TBC1D15: variants seen among roughly 807,000 people sequenced by gnomAD.
TBC1D15 encodes the protein TBC1 domain family member 15.
In TBC1D15, 39 loss-of-function variants were observed where a neutral mutation model predicts 95.4. The ratio of observed to expected loss-of-function variants is 0.41; its 90% CI spans 0.32 to 0.53. The LOEUF (loss-of-function observed/expected upper bound fraction) is 0.53, where lower values mean the gene tolerates loss of function less well. TBC1D15 is among the 20% of genes least tolerant of loss of function. The probability of loss-of-function intolerance (pLI) is 0.29; values close to 1 mark genes in which losing one functional copy is unlikely to be tolerated. For missense variants in TBC1D15, 733 were observed against 794.3 expected, an observed-to-expected ratio of 0.92 and a Z score of 0.93; for synonymous variants, 258 against 261.3, an observed-to-expected ratio of 0.99 and a Z score of 0.12.
At chr12:71,880,424 A>G in intron 3 of TBC1D15, 45 bp from the exon 4 acceptor site, 6 of 1,485,170 alleles carry the variant, frequency 4.0e-6, no homozygotes, top group Non-Finnish European at 5.4e-6. Flanking sequence ...TTGAAATTAA[A>G]TTTGTTTTAG....
At chr12:71,906,016 A>G (rs752084856) in intron 10 of TBC1D15, among the ~76,000 whole-genome samples, 4 of 151,884 alleles carry the variant, frequency 2.6e-5, no homozygotes, top group Non-Finnish European at 5.9e-5. Flanking sequence ...GAGATTACAG[A>G]TGCACACCAG....
Position 71,884,676 on chromosome 12 carries a change from G to A in TBC1D15, c.344-135G>A, listed in dbSNP as rs998966412. ...ATAAGTAGCCATATCTAATACAGGT[G>A]GAAGCCATAATAATATAAGTGCTAT... On this transcript the variant is annotated intron_variant, in intron 4 of 16. Coordinates refer to ENST00000485960, the MANE Select transcript of TBC1D15 (RefSeq NM_001146213.3). 4.5e-6 allele frequency: 3 copies of A among 665,128 alleles called. No individual in the cohort carries two copies. The African/African-American group carries it at 5.5e-5, about 12-fold the overall frequency. 41.2% of individuals were successfully genotyped at this position (665,128 alleles called of 1,614,324 possible).
intron 10 of TBC1D15, among the ~76,000 whole-genome samples, chr12:71,899,259 A>T (rs536233608): frequency 2.0e-5 from 3 of 152,312 alleles, no homozygotes; most frequent in South Asian, 4.1e-4. Context: ...TTAGATATTT[A>T]AAGTCCCCAT....
chr12:71,858,066 A>G (rs1592707281), intron 1 of TBC1D15, among the ~76,000 whole-genome samples: 1 of 150,012 alleles, frequency 6.7e-6, no homozygotes, highest in Admixed American at 6.6e-5. Context: ...TATATGCAAC[A>G]TTTTCTTTCT....
chr12:71,892,320 T>G (rs1281953450), intron 5 of TBC1D15, among the ~76,000 whole-genome samples: 2 of 152,102 alleles, frequency 1.3e-5, no homozygotes, highest in African/African-American at 4.8e-5. Flanking sequence ...CATCCTGTTA[T>G]GTTAGAATTG....
intron 13 of TBC1D15, among the ~76,000 whole-genome samples, 177 bp downstream of exon 13, chr12:71,917,974 A>G (rs1353769220): frequency 6.6e-6 from 1 of 152,132 alleles, no homozygotes; most frequent in African/African-American, 2.4e-5. Flanking sequence ...CCTGGCTAGC[A>G]CAGTGAGACC....
At chr12:71,858,683 T>G (rs928507840) in intron 1 of TBC1D15, among the ~76,000 whole-genome samples, 15 of 151,388 alleles carry the variant, frequency 9.9e-5, no homozygotes, top group African/African-American at 3.6e-4. Context: ...GCCTCCTGAA[T>G]AGCTGGGACT....
At chr12:71,856,025 T>C (rs1888986805) in intron 1 of TBC1D15, among the ~76,000 whole-genome samples, 1 of 152,128 alleles carries the variant, frequency 6.6e-6, no homozygotes, top group South Asian at 2.1e-4. Context: ...GATTGGACCA[T>C]ACAGAAATTA....
Position 71,923,392 on chromosome 12 carries a change from A to G in TBC1D15, c.*188A>G. 3.7e-6 allele frequency: 2 copies of G among 536,530 alleles called. No individual in the cohort carries two copies. The highest frequency in any genetic ancestry group is 3.8e-5 in the African/African-American group (2 of 52,940). 33.2% of individuals were successfully genotyped at this position (536,530 alleles called of 1,614,324 possible). ...TTATTTTTGTAGTTACTTCTACCAA[A>G]TAGCCTTTCCTTTTCGATAACATTC... On this transcript the variant is annotated 3_prime_UTR_variant, in exon 17 of 17. Transcript: ENST00000485960.
chr12:71,844,838 A>G (rs989087973), intron 1 of TBC1D15, among the ~76,000 whole-genome samples: 2 of 152,236 alleles, frequency 1.3e-5, no homozygotes, highest in Non-Finnish European at 2.9e-5. Flanking sequence ...ACTGGCTTAC[A>G]TAATACTGCT....
intron 15 of TBC1D15, 79 bp downstream of exon 15, chr12:71,920,926 A>G: frequency 1.0e-6 from 1 of 968,792 alleles, no homozygotes; most frequent in South Asian, 1.5e-5. Flanking sequence ...GTTTCCTTGG[A>G]ACATTATTAA....
At chr12:71,911,909 A>G (rs977269308) in intron 11 of TBC1D15, among the ~76,000 whole-genome samples, 4 of 152,180 alleles carry the variant, frequency 2.6e-5, no homozygotes, top group African/African-American at 9.6e-5. Flanking sequence ...CTGAAGACTT[A>G]AAGGATTAAA....
At chr12:71,857,189 A>T (rs1889292562) in intron 1 of TBC1D15, among the ~76,000 whole-genome samples, 2 of 151,958 alleles carry the variant, frequency 1.3e-5, no homozygotes, top group Non-Finnish European at 2.9e-5. Context: ...GCCTCAAGTG[A>T]TCCTCCTGCC....
chr12:71,869,128 T>TATGTGAA (rs1336970883), intron 1 of TBC1D15, among the ~76,000 whole-genome samples: 6 of 152,226 alleles, frequency 3.9e-5, no homozygotes, highest in Non-Finnish European at 8.8e-5. Context: ...TAAAATCTAC[T>TATGTGAA]TATTTAACTG....
chr12:71,900,380 A>G (rs1242943885), intron 10 of TBC1D15, among the ~76,000 whole-genome samples: 1 of 152,132 alleles, frequency 6.6e-6, no homozygotes, highest in Non-Finnish European at 1.5e-5. Context: ...ACATTAACCC[A>G]TTTATGCCTA....
intron 10 of TBC1D15, among the ~76,000 whole-genome samples, chr12:71,898,667 A>G (rs1898704257): frequency 6.6e-6 from 1 of 152,266 alleles, no homozygotes; most frequent in South Asian, 2.1e-4. Context: ...AGCATTGGAT[A>G]GTACTGGAAC....
At chr12:71,898,070 T>C (rs532299857) in intron 10 of TBC1D15, 129 bp downstream of exon 10, 10 of 616,084 alleles carry the variant, frequency 1.6e-5, no homozygotes, top group South Asian at 1.3e-4. Flanking sequence ...GGAAAGTACA[T>C]TGCAGTGTGT....
intron 16 of TBC1D15, among the ~76,000 whole-genome samples, chr12:71,921,837 C>A (rs1869473957): frequency 6.6e-6 from 1 of 152,096 alleles, no homozygotes; most frequent in South Asian, 2.1e-4. Flanking sequence ...TATTATTTAG[C>A]CTGTGTCACT....
In TBC1D15 at chr12:71,924,015, A is replaced by G. The variant is rs1449344227; in HGVS notation, c.*811A>G. On this transcript the variant is annotated 3_prime_UTR_variant, in exon 17 of 17. Transcript: ENST00000485960. ...CAACCCTGTACCTGGTGTAATTTTA[A>G]AATTAATTGCTTGTAACCTCACTTT... is the stretch of plus-strand genomic sequence containing the variant. 1 of 152,588 alleles carries G rather than the reference A, an allele frequency of 6.6e-6. No individual in the cohort carries two copies. The highest frequency in any genetic ancestry group is 1.9e-4 in the East Asian group (1 of 5,192). The allele number at this position is 152,588 out of a possible 1,614,324, so 9.5% of individuals were successfully genotyped here.
Sources: allele counts gnomAD v4.1 joint callset (sites outside exome capture counted in the v4.1 genomes callset), GRCh38; gene constraint gnomAD v4.1.1; transcripts MANE v1.5; gene names NCBI Gene and HGNC (gene_info 2026-07-23, HGNC 2026-07-21).